Variants in TYW3 observed in about 807,000 individuals in gnomAD.
TYW3 encodes tRNA-yW synthesizing protein 3 homolog.
In TYW3, 26 loss-of-function variants were observed where a neutral mutation model predicts 23.1. The observed-to-expected ratio is 1.13, with a 90% confidence interval of 0.83 to 1.56. TYW3 has a LOEUF of 1.56. TYW3 is among the 40% of genes most tolerant of loss of function. The pLI is 0.00. For missense variants in TYW3, 316 were observed against 311.9 expected, an observed-to-expected ratio of 1.01 and a Z score of -0.10; for synonymous variants, 102 against 105.7, an observed-to-expected ratio of 0.97 and a Z score of 0.21.
intron 3 of TYW3, among the ~76,000 whole-genome samples, chr1:74,739,847 G>A (rs1648290212): frequency 6.6e-6 from 1 of 152,182 alleles, no homozygotes; most frequent in Admixed American, 6.5e-5. Context: ...CACCAAAGCA[G>A]GTGAGAAAGG....
intron 3 of TYW3, among the ~76,000 whole-genome samples, chr1:74,740,587 TTAGC>T (rs1168545918): frequency 6.6e-6 from 1 of 152,202 alleles, no homozygotes; most frequent in Non-Finnish European, 1.5e-5. Context: ...TTACAATCCT[TTAGC>T]TAGACATAGA....
intron 3 of TYW3, among the ~76,000 whole-genome samples, chr1:74,744,265 C>T (rs1011017734): frequency 6.6e-6 from 1 of 152,114 alleles, no homozygotes; most frequent in Non-Finnish European, 1.5e-5. Flanking sequence ...ATATTTCACT[C>T]CATTTACCTT....
intron 5 of TYW3, among the ~76,000 whole-genome samples, chr1:74,754,184 C>T (rs939462973): frequency 2.0e-5 from 3 of 152,142 alleles, no homozygotes; most frequent in Admixed American, 2.0e-4. Context: ...TTCTCTGTTT[C>T]CTTTCTTGAA....
At chr1:74,740,240 G>A (rs1321416084) in intron 3 of TYW3, among the ~76,000 whole-genome samples, 1 of 152,206 alleles carries the variant, frequency 6.6e-6, no homozygotes, top group Non-Finnish European at 1.5e-5. Flanking sequence ...GACCTTCGCA[G>A]TGAGTGTTAC....
intron 3 of TYW3, 49 bp downstream of exon 3, chr1:74,738,837 T>A: frequency 2.8e-6 from 4 of 1,450,284 alleles, no homozygotes; most frequent in Non-Finnish European, 3.8e-6. Flanking sequence ...TGTGGGTAGA[T>A]GTAATTTTAA....
At chr1:74,734,658 G>C (rs1228573935) in intron 1 of TYW3, among the ~76,000 whole-genome samples, 2 of 152,168 alleles carry the variant, frequency 1.3e-5, no homozygotes, top group Non-Finnish European at 2.9e-5. Flanking sequence ...TGAGGATAAG[G>C]CTGCTTGGGA....
chr1:74,756,601 T>A (rs1427201896), intron 5 of TYW3, among the ~76,000 whole-genome samples: 3 of 152,134 alleles, frequency 2.0e-5, no homozygotes, highest in Non-Finnish European at 2.9e-5. Flanking sequence ...GTTAAACACA[T>A]TCAGTTTTAT....
intron 3 of TYW3, among the ~76,000 whole-genome samples, chr1:74,741,317 A>C (rs565717843): frequency 1.3e-5 from 2 of 152,276 alleles, no homozygotes; most frequent in African/African-American, 4.8e-5. Context: ...TTCCTTCCAA[A>C]ATAGGAGATG....
At chr1:74,738,925 C>T (rs556904239) in intron 3 of TYW3, 137 bp downstream of exon 3, 7 of 463,410 alleles carry the variant, frequency 1.5e-5, no homozygotes, top group African/African-American at 1.4e-4. Flanking sequence ...TTGGTCTGCT[C>T]AATCTATTAA....
At position 74,764,256 on chromosome 1, in the gene TYW3, GT is replaced by G; in HGVS notation, c.*145del. ...GTGCAGAGCTTCAAACTATAACTTT[GT>G]TGCCCAGAGGATGTGCAGTTGTCAT... On this transcript the variant is annotated 3_prime_UTR_variant, in exon 6 of 6. Coordinates refer to ENST00000370867, the MANE Select transcript of TYW3 (RefSeq NM_138467.3). The G allele has an allele frequency of 1.5e-6, 1 of 686,128 alleles. No homozygotes were observed. Among genetic ancestry groups the G allele is most frequent in the South Asian group, 2.2e-5 (1 of 45,804 alleles). The allele number at this position is 686,128 out of a possible 1,614,324, so 42.5% of individuals were successfully genotyped here. A position where few individuals can be genotyped will look rare whatever the true frequency, so the allele number is the denominator to read the frequency against.
intron 5 of TYW3, among the ~76,000 whole-genome samples, chr1:74,760,681 C>A (rs1353703289): frequency 1.3e-5 from 2 of 152,204 alleles, no homozygotes; most frequent in Admixed American, 1.3e-4. Flanking sequence ...CTTCTCTGGG[C>A]TTCTAGTACT....
chr1:74,766,502 A>T lies in TYW3; in HGVS notation c.*2389A>T, dbSNP rs983262558. 11 of 152,312 alleles carry T rather than the reference A, an allele frequency of 7.2e-5. No homozygotes were observed. The highest frequency in any genetic ancestry group is 2.1e-4 in the South Asian group (1 of 4,826). The allele number at this position is 152,312 out of a possible 1,614,324, so 9.4% of individuals were successfully genotyped here. On this transcript the variant is annotated 3_prime_UTR_variant, in exon 6 of 6. Transcript: ENST00000370867. ...AAAAGGTTTTTCCAATGTTAAAAAA[A>T]ATATATAAAAAAGCTTATAGAATAA... is the stretch of plus-strand genomic sequence containing the variant.
intron 5 of TYW3, among the ~76,000 whole-genome samples, chr1:74,759,378 T>C (rs1649059655): frequency 6.6e-6 from 1 of 150,862 alleles, no homozygotes; most frequent in South Asian, 2.1e-4. Context: ...TCTTTTCTTT[T>C]TTTTTTTTTT....
At chr1:74,758,698 T>G (rs1649031164) in intron 5 of TYW3, among the ~76,000 whole-genome samples, 1 of 149,844 alleles carries the variant, frequency 6.7e-6, no homozygotes. Context: ...ATTTTCATGG[T>G]TCTGATTCTT....
chr1:74,737,728 A>C (rs1648199916), intron 2 of TYW3, among the ~76,000 whole-genome samples: 1 of 152,212 alleles, frequency 6.6e-6, no homozygotes, highest in Admixed American at 6.5e-5. Flanking sequence ...GGTGCAGCCA[A>C]GGTTAAAAGG....
intron 4 of TYW3, among the ~76,000 whole-genome samples, chr1:74,751,766 G>GCCT (rs1260106798): frequency 1.3e-5 from 2 of 151,874 alleles, no homozygotes; most frequent in Non-Finnish European, 2.9e-5. Flanking sequence ...TCCAGTGTTT[G>GCCT]CCTCTACTTG....
At chr1:74,734,682 G>A (rs559787204) in intron 1 of TYW3, among the ~76,000 whole-genome samples, 1 of 152,302 alleles carries the variant, frequency 6.6e-6, no homozygotes, top group South Asian at 2.1e-4. Context: ...ATACTGCTTA[G>A]ATTAAAAACC....
chr1:74,753,917 T>C (rs1648869795), intron 5 of TYW3, among the ~76,000 whole-genome samples: 1 of 152,202 alleles, frequency 6.6e-6, no homozygotes, highest in Non-Finnish European at 1.5e-5. Context: ...TTACTTACAA[T>C]GGATGTCTTA....
At chr1:74,748,396 A>T (rs546353714) in intron 3 of TYW3, among the ~76,000 whole-genome samples, 1 of 152,234 alleles carries the variant, frequency 6.6e-6, no homozygotes, top group South Asian at 2.1e-4. Context: ...CATTGTACTC[A>T]TTTTAAAAGA....
Sources: gnomAD v4.1 joint callset for allele counts (sites outside exome capture counted in the v4.1 genomes callset) on GRCh38, gnomAD v4.1.1 for gene constraint, MANE v1.5 for transcripts, NCBI Gene and HGNC (gene_info 2026-07-23, HGNC 2026-07-21) for gene names.